The following CARS2 variants were observed in gnomAD, a reference collection of about 807,000 sequenced individuals.
CARS2 encodes the protein probable cysteine--tRNA ligase, mitochondrial.
CARS2 carries 52 observed loss-of-function variants against 68.8 expected under a neutral mutation model. That is an observed-to-expected ratio of 0.76 (90% CI 0.61 to 0.95). The LOEUF (loss-of-function observed/expected upper bound fraction) is 0.95. Ranked by LOEUF, CARS2 falls within the 40% of genes least tolerant of loss-of-function variation. The probability of loss-of-function intolerance (pLI) is 0.00; values close to 1 mark genes in which losing one functional copy is unlikely to be tolerated. For synonymous variants in CARS2, 314 were observed against 303.6 expected, an observed-to-expected ratio of 1.03 and a Z score of -0.36; for missense variants, 780 against 754.2, an observed-to-expected ratio of 1.03 and a Z score of -0.40.
intron 7 of CARS2, among the ~76,000 whole-genome samples, chr13:110,675,855 C>T (rs959493076): frequency 3.9e-5 from 6 of 152,202 alleles, no homozygotes; most frequent in East Asian, 3.8e-4. Flanking sequence ...ACCAGCACCA[C>T]GGTAACAAAC....
intron 12 of CARS2, 89 bp downstream of exon 12, chr13:110,645,878 C>A (rs890904519): frequency 2.0e-6 from 3 of 1,484,966 alleles, no homozygotes; most frequent in Middle Eastern, 2.4e-4. Context: ...AGCAGAGATG[C>A]CACCCAGCCG....
Position 110,647,141 on chromosome 13 carries a change from G to A in CARS2, c.1153C>T (p.Leu385=). 1 of 1,608,354 alleles carries A rather than the reference G, an allele frequency of 6.2e-7. No individual in the cohort carries two copies. Among genetic ancestry groups the A allele is most frequent in the Non-Finnish European group, 8.5e-7 (1 of 1,177,900 alleles). The change falls in exon 11 of 15, where the codon CTG becomes TTG. Residue 385 remains leucine (L), a synonymous_variant. Coordinates refer to ENST00000257347, the MANE Select transcript of CARS2 (RefSeq NM_024537.4). ...EDARAYMKGQ[L]ACGSVREAML... is the part of the protein sequence containing the mutation. ...GCTTCCCTGACGGAGCCGCAGGCCA[G>A]CTGCCCCTTCATGTAGGCACGTGCG...
chr13:110,655,879 G>A (rs570930822), intron 9 of CARS2, among the ~76,000 whole-genome samples: 3 of 152,356 alleles, frequency 2.0e-5, no homozygotes, highest in African/African-American at 7.2e-5. Context: ...ACAGGAAGAT[G>A]AATCCAAAAC....
intron 3 of CARS2, among the ~76,000 whole-genome samples, chr13:110,697,189 T>C (rs1277043612): frequency 6.6e-6 from 1 of 152,228 alleles, no homozygotes; most frequent in African/African-American, 2.4e-5. Context: ...CCTTCCTTCT[T>C]TACCAGTGGG....
chr13:110,645,805 C>T (rs1030524690), intron 12 of CARS2, 162 bp downstream of exon 12: 29 of 947,058 alleles, frequency 3.1e-5, no homozygotes, highest in African/African-American at 1.7e-4. Context: ...GGTGCCATCC[C>T]GTGTGTCAGC....
At chr13:110,649,391 C>T (rs1266705425) in intron 10 of CARS2, 1 of 151,646 alleles carries the variant, frequency 6.6e-6, no homozygotes, top group African/African-American at 2.4e-5. Context: ...GTGCAGGTGT[C>T]TGTGTGCCCC....
chr13:110,712,868 G>T, intron 1 of CARS2: 1 of 1,308,076 alleles, frequency 7.6e-7, no homozygotes. Flanking sequence ...TTGTCTCCAA[G>T]CCGTTCCAAA....
intron 9 of CARS2, among the ~76,000 whole-genome samples, chr13:110,655,425 C>T (rs530302901): frequency 2.0e-5 from 3 of 152,344 alleles, no homozygotes; most frequent in African/African-American, 7.2e-5. Flanking sequence ...CACCCACACA[C>T]TGGACTACAC....
At chr13:110,684,916 C>G (rs2063255697) in intron 5 of CARS2, among the ~76,000 whole-genome samples, 1 of 152,092 alleles carries the variant, frequency 6.6e-6, no homozygotes, top group Admixed American at 6.5e-5. Flanking sequence ...GTCCAAATTA[C>G]TGGGGTTTGA....
intron 8 of CARS2, chr13:110,664,513 C>A: frequency 1.3e-6 from 1 of 795,020 alleles, no homozygotes; most frequent in Non-Finnish European, 1.5e-6. Flanking sequence ...CGAGACTCTG[C>A]CTCAAAAATA....
intron 10 of CARS2, among the ~76,000 whole-genome samples, chr13:110,649,637 G>A (rs542294634): frequency 3.3e-5 from 5 of 152,350 alleles, no homozygotes; most frequent in Admixed American, 3.3e-4. Flanking sequence ...TCAATTTGGA[G>A]CAAGAGAGCT....
intron 1 of CARS2, chr13:110,712,650 G>A (rs2064044294): frequency 1.7e-6 from 1 of 597,204 alleles, no homozygotes; most frequent in Admixed American, 2.3e-5. Flanking sequence ...GCGGGGGAGG[G>A]CGGTCCGGGG....
chr13:110,705,800 A>G lies in CARS2; in HGVS notation c.224+70T>C, dbSNP rs1054446077. On this transcript the variant is annotated intron_variant, in intron 1 of 14. Transcript: ENST00000257347. The surrounding 1 kb of genome is among the most constrained non-coding windows in gnomAD (Gnocchi z 4.0). ...TCCTAAACGCCCTCCCCGAGCCCAG[A>G]TCCCGTTCAGCCGTGGGAAGTCTCC... 2.0e-6 allele frequency: 3 copies of G among 1,525,774 alleles called. No individual in the cohort carries two copies. Among genetic ancestry groups the G allele is most frequent in the Non-Finnish European group, 2.6e-6 (3 of 1,138,754 alleles). 94.5% of individuals were successfully genotyped at this position (1,525,774 alleles called of 1,614,324 possible). A position where few individuals can be genotyped will look rare whatever the true frequency, so the allele number is the denominator to read the frequency against.
chr13:110,713,315 G>A, exon 1 of CARS2: 1 of 1,174,144 alleles, frequency 8.5e-7, no homozygotes, highest in Non-Finnish European at 1.1e-6. Context: ...TGGTCTCGGA[G>A]GTTTCTGTCC....
At position 110,688,210 on chromosome 13, in the gene CARS2, T is replaced by C. The variant is rs538286745; in HGVS notation, c.394-192A>G. On this transcript the variant is annotated intron_variant, in intron 3 of 14. Transcript: ENST00000257347. ...ATTTTAGGTACTGAACTTTTACTAGTAGCTTAGCTAGAAAAAAAGGCTTAT... is the reference window on the plus strand; with the variant it reads ...ATTTTAGGTACTGAACTTTTACTAGCAGCTTAGCTAGAAAAAAAGGCTTAT... Among the ~76,000 whole-genome samples, 4 of 152,270 alleles carry C rather than the reference T, an allele frequency of 2.6e-5. No individual in the cohort carries two copies. In the South Asian group the frequency reaches 6.2e-4, roughly 24 times the overall value.
chr13:110,663,123 G>A, intron 9 of CARS2: 1 of 511,020 alleles, frequency 2.0e-6, no homozygotes, highest in Non-Finnish European at 3.8e-6. Context: ...GTGAGGGCGG[G>A]AAGGAAGTCA....
intron 6 of CARS2, among the ~76,000 whole-genome samples, chr13:110,679,593 A>AAGAGAGAGAG (rs1172546712): frequency 4.3e-4 from 12 of 28,112 alleles, no homozygotes; most frequent in African/African-American, 1.4e-3. Context: ...GAAAGAAAGA[A>AAGAGAGAGAG]AGAAAGAGAG....
Position 110,703,027 on chromosome 13 carries a change from C to T in CARS2, c.276-1472G>A, listed in dbSNP as rs374168894. 3.0e-4 allele frequency among the ~76,000 whole-genome samples: 45 copies of T among 152,300 alleles called. 1 individual carries two copies. The highest frequency in any genetic ancestry group is 2.1e-3 in the East Asian group (11 of 5,180). On this transcript the variant is annotated intron_variant, in intron 2 of 14. Coordinates refer to ENST00000257347, the MANE Select transcript of CARS2 (RefSeq NM_024537.4). The stretch of plus-strand genomic sequence containing the variant: ...AATCCAAACTCTCTGGGCCAGACCA[C>T]GCAGCACCCTCCCCAGTCTGGCTGC...
At chr13:110,673,914 C>T (rs2062872079) in intron 7 of CARS2, among the ~76,000 whole-genome samples, 1 of 152,178 alleles carries the variant, frequency 6.6e-6, no homozygotes, top group African/African-American at 2.4e-5. Context: ...TTCCTGTACA[C>T]CAATAACAGA....
Sources: gnomAD v4.1 joint callset for allele counts (sites outside exome capture counted in the v4.1 genomes callset) on GRCh38, gnomAD v4.1.1 for gene constraint, Gnocchi (gnomAD v3.1) non-coding constraint, MANE v1.5 for transcripts, NCBI Gene and HGNC (gene_info 2026-07-23, HGNC 2026-07-21) for gene names.